SYTL2: variants seen among roughly 807,000 people sequenced by gnomAD.
SYTL2 encodes synaptotagmin like 2.
A neutral mutation model predicts 198.7 loss-of-function variants in SYTL2; 165 were observed. The observed-to-expected ratio is 0.83, with a 90% confidence interval of 0.73 to 0.94. The LOEUF is 0.94. SYTL2 is among the 40% of genes least tolerant of loss of function. SYTL2 has a pLI of 0.00. For missense variants in SYTL2, 2,835 were observed against 2,582.8 expected (o/e 1.10, Z -2.12); for synonymous variants, 966 against 917.7 (o/e 1.05, Z -0.95).
chr11:85,768,596 T>C (rs1370124089), intron 1 of SYTL2, among the ~76,000 whole-genome samples: 2 of 152,172 alleles, frequency 1.3e-5, no homozygotes, highest in African/African-American at 2.4e-5. Context: ...CATTATAAGG[T>C]TGGAGAACTA....
At chr11:85,764,791 C>T (rs2092194535) in intron 1 of SYTL2, among the ~76,000 whole-genome samples, 1 of 152,216 alleles carries the variant, frequency 6.6e-6, no homozygotes, top group African/African-American at 2.4e-5. Flanking sequence ...GGAAAAAAGG[C>T]ATCTGTGTCA....
the SYTL2 span, among the ~76,000 whole-genome samples, chr11:85,835,776 C>T: frequency 4.4e-3 from 672 of 152,268 alleles, 4 homozygotes; most frequent in African/African-American, 0.015. Flanking sequence ...AGTATGTAGA[C>T]GTGTTTTCTC....
At chr11:85,765,859 G>T (rs898076696) in intron 1 of SYTL2, among the ~76,000 whole-genome samples, 1 of 152,088 alleles carries the variant, frequency 6.6e-6, no homozygotes, top group African/African-American at 2.4e-5. Flanking sequence ...TAGGCCACAG[G>T]TTTAAACTTA....
Position 85,696,620 on chromosome 11 carries a change from C to G in SYTL2, c.6369-232G>C, listed in dbSNP as rs2083448752. On this transcript the variant is annotated intron_variant, in intron 18 of 19. Transcript: ENST00000359152. ...GTTTGAATCCTGACTCTGCTACCTC[C>G]TGGGTATGCATTTTAGGGAAAGTTA... The G allele has an allele frequency of 5.6e-6, 3 of 532,302 alleles. No homozygotes were observed. In the South Asian group the frequency reaches 7.1e-5, roughly 13 times the overall value. The allele number at this position is 532,302 out of a possible 1,614,324, so 33.0% of individuals were successfully genotyped here.
chr11:85,753,689 C>G (rs930588493), intron 2 of SYTL2, among the ~76,000 whole-genome samples: 5 of 150,096 alleles, frequency 3.3e-5, no homozygotes, highest in African/African-American at 1.2e-4. Context: ...CACTTGAGCC[C>G]AGGAGTTGGA....
At chr11:85,750,283 A>G (rs2091436479) in intron 2 of SYTL2, among the ~76,000 whole-genome samples, 2 of 152,144 alleles carry the variant, frequency 1.3e-5, no homozygotes, top group Non-Finnish European at 2.9e-5. Flanking sequence ...GAGATGATTG[A>G]GATGTTTAAC....
rs117082618 is a variant in SYTL2, at chr11:85,804,704, T to C, written c.-390+6250A>G. ...CAGTCTGAAGCAATTAGACGTGATA[T>C]AGTATGTTACATTAGCAACCAAAAA... On this transcript the variant is annotated intron_variant, in intron 1 of 19. Transcript: ENST00000359152. Among the ~76,000 whole-genome samples the C allele has an allele frequency of 5.4e-3, 819 of 152,330 alleles. 2 individuals carry two copies. The highest frequency in any genetic ancestry group is 8.7e-3 in the Non-Finnish European group (589 of 68,030).
In SYTL2 at chr11:85,740,942, C is replaced by G. The variant is rs914357091; in HGVS notation, c.390-3286G>C. Among the ~76,000 whole-genome samples the G allele has an allele frequency of 6.6e-5, 10 of 152,370 alleles. No homozygotes were observed. In the East Asian group the frequency reaches 1.9e-3, roughly 29 times the overall value. On this transcript the variant is annotated intron_variant, in intron 4 of 19. Coordinates refer to ENST00000359152, the MANE Select transcript of SYTL2 (RefSeq NM_206927.4). ...CCGTTTTAAAATTATACCACACAGGCAGCTGCCTGCTATACCCAGCCACAA... is the reference window on the plus strand; with the variant it reads ...CCGTTTTAAAATTATACCACACAGGGAGCTGCCTGCTATACCCAGCCACAA...
intron 1 of SYTL2, among the ~76,000 whole-genome samples, chr11:85,774,306 C>G (rs530929220): frequency 6.6e-6 from 1 of 152,292 alleles, no homozygotes; most frequent in South Asian, 2.1e-4. Context: ...GCACCATCAC[C>G]CGCATTTTAT....
At chr11:85,745,614 T>C (rs371309472) in intron 4 of SYTL2, 23 bp downstream of exon 4, 269 of 1,602,642 alleles carry the variant, frequency 1.7e-4, no homozygotes, top group Non-Finnish European at 2.1e-4. Flanking sequence ...ATGCAGCAGC[T>C]CTCCCCAGAA....
At chr11:85,744,701 T>C (rs999215650) in intron 4 of SYTL2, among the ~76,000 whole-genome samples, 1 of 152,288 alleles carries the variant, frequency 6.6e-6, no homozygotes, top group South Asian at 2.1e-4. Context: ...CCTGATTCAG[T>C]GACATCCCAC....
At chr11:85,776,585 C>G (rs1020231916) in intron 1 of SYTL2, among the ~76,000 whole-genome samples, 1 of 152,136 alleles carries the variant, frequency 6.6e-6, no homozygotes, top group African/African-American at 2.4e-5. Context: ...GAACTCATCC[C>G]TTTTTTGTGG....
intron 1 of SYTL2, among the ~76,000 whole-genome samples, chr11:85,776,756 T>C (rs2092458545): frequency 1.3e-5 from 2 of 152,380 alleles, no homozygotes; most frequent in South Asian, 4.1e-4. Context: ...ATCCTTTGGG[T>C]ATATGCCCAG....
intron 2 of SYTL2, among the ~76,000 whole-genome samples, chr11:85,754,653 T>C (rs1453283855): frequency 6.6e-6 from 1 of 152,234 alleles, no homozygotes; most frequent in African/African-American, 2.4e-5. Flanking sequence ...ATTATTTTAC[T>C]TAATCCTGAC....
chr11:85,699,071 A>G (rs980822512), intron 17 of SYTL2, among the ~76,000 whole-genome samples: 1 of 152,234 alleles, frequency 6.6e-6, no homozygotes, highest in East Asian at 1.9e-4. Context: ...TAGGAACATC[A>G]TTAGATATAC....
chr11:85,768,774 G>A (rs1207745758), intron 1 of SYTL2, among the ~76,000 whole-genome samples: 2 of 152,114 alleles, frequency 1.3e-5, no homozygotes, highest in East Asian at 1.9e-4. Context: ...ATTTGAGATG[G>A]GGTATTGGTA....
intron 1 of SYTL2, among the ~76,000 whole-genome samples, chr11:85,799,356 G>A (rs1033324708): frequency 6.6e-5 from 10 of 152,098 alleles, no homozygotes; most frequent in African/African-American, 2.2e-4. Flanking sequence ...GGTATAAGCC[G>A]AACACTAAAC....
the SYTL2 span, among the ~76,000 whole-genome samples, chr11:85,831,250 G>C: frequency 6.6e-6 from 1 of 152,160 alleles, no homozygotes; most frequent in African/African-American, 2.4e-5. Flanking sequence ...AGCTTTAAAA[G>C]AAACTGGCAT....
intron 15 of SYTL2, 51 bp downstream of exon 15, chr11:85,707,378 G>A (rs781298779): frequency 1.6e-6 from 2 of 1,265,576 alleles, no homozygotes; most frequent in South Asian, 2.4e-5. Flanking sequence ...AAGAAGACAT[G>A]GTAAACAGGT....
Sources: allele counts gnomAD v4.1 joint callset (sites outside exome capture counted in the v4.1 genomes callset), GRCh38; gene constraint gnomAD v4.1.1; transcripts MANE v1.5; gene names NCBI Gene and HGNC (gene_info 2026-07-23, HGNC 2026-07-21).